Variants in POU2F1 observed in about 807,000 individuals in gnomAD.
POU2F1 encodes POU class 2 homeobox 1, also known as POU domain, class 2, transcription factor 1.
POU2F1 carries 16 observed loss-of-function variants against 84.9 expected under a neutral mutation model. The ratio of observed to expected loss-of-function variants is 0.19; its 90% confidence interval spans 0.13 to 0.29. POU2F1 has a LOEUF of 0.29. Among genes scored for constraint, POU2F1 ranks in the 10% least tolerant of loss-of-function variants. The pLI, the probability that POU2F1 is intolerant of heterozygous loss-of-function variation, is 1.00. For synonymous variants in POU2F1, 368 were observed against 368.3 expected, an observed-to-expected ratio of 1.00 and a Z score of 0.01; for missense variants, 738 against 942.6, an observed-to-expected ratio of 0.78 and a Z score of 2.84.
At chr1:167,255,317 A>G (rs1270979729) in intron 1 of POU2F1, among the ~76,000 whole-genome samples, 1 of 152,164 alleles carries the variant, frequency 6.6e-6, no homozygotes, top group Non-Finnish European at 1.5e-5. Flanking sequence ...TTGTTCTCCT[A>G]AGTGTTTTAG....
At chr1:167,330,146 C>G (rs1318027038) in intron 1 of POU2F1, among the ~76,000 whole-genome samples, 7 of 152,102 alleles carry the variant, frequency 4.6e-5, no homozygotes, top group Non-Finnish European at 1.0e-4. Flanking sequence ...TTTTTAGTTA[C>G]TCTAGTCACC....
At chr1:167,251,640 G>A (rs1270004030) in intron 1 of POU2F1, among the ~76,000 whole-genome samples, 2 of 152,010 alleles carry the variant, frequency 1.3e-5, no homozygotes, top group African/African-American at 4.8e-5. Context: ...TTCCATTAAA[G>A]GGCTCATACT....
At chr1:167,335,166 A>G (rs570305767) in intron 2 of POU2F1, among the ~76,000 whole-genome samples, 2 of 152,316 alleles carry the variant, frequency 1.3e-5, no homozygotes, top group East Asian at 3.9e-4. Flanking sequence ...TGCCCGTTCT[A>G]TGTGTAAAGT....
intron 1 of POU2F1, among the ~76,000 whole-genome samples, chr1:167,255,970 T>A (rs953754756): frequency 1.3e-5 from 2 of 152,192 alleles, no homozygotes; most frequent in Non-Finnish European, 2.9e-5. Flanking sequence ...AGGGACTCAC[T>A]CCTTTCCTAC....
chr1:167,387,358 C>T (rs928603081), intron 8 of POU2F1: 27 of 390,548 alleles, frequency 6.9e-5, no homozygotes, highest in African/African-American at 1.2e-4. Flanking sequence ...CAACCAGTTT[C>T]GCTGTGAGAA....
intron 1 of POU2F1, among the ~76,000 whole-genome samples, chr1:167,276,450 G>A (rs897127572): frequency 6.6e-6 from 1 of 151,574 alleles, no homozygotes; most frequent in African/African-American, 2.4e-5. Context: ...TTAATCATAG[G>A]TATATATATA....
rs1468020992 is a variant in POU2F1, at chr1:167,418,768, T to G, written c.*2958T>G. ...TAAGCTTTAAATGTCAATACAGTGG[T>G]CTTTTATTCCCTGCCCTGTCTATAT... On this transcript the variant is annotated 3_prime_UTR_variant, in exon 16 of 16. Transcript: ENST00000367866. 6.6e-6 allele frequency: 1 copy of G among 152,148 alleles called. No individual in the cohort carries two copies. Among genetic ancestry groups the G allele is most frequent in the African/African-American group, 2.4e-5 (1 of 41,430 alleles). The allele number at this position is 152,148 out of a possible 1,614,324, so 9.4% of individuals were successfully genotyped here. A position where few individuals can be genotyped will look rare whatever the true frequency, so the allele number is the denominator to read the frequency against.
chr1:167,398,555 G>T (rs906960416), intron 11 of POU2F1, among the ~76,000 whole-genome samples: 1 of 152,168 alleles, frequency 6.6e-6, no homozygotes, highest in African/African-American at 2.4e-5. Flanking sequence ...GTGTCTGTAT[G>T]CCTGGAATAG....
chr1:167,244,861 C>A (rs1394687361), intron 1 of POU2F1, among the ~76,000 whole-genome samples: 1 of 152,134 alleles, frequency 6.6e-6, no homozygotes, highest in Non-Finnish European at 1.5e-5. Flanking sequence ...GATCTTGGGC[C>A]TTGGAAGCCT....
chr1:167,316,347 TCAAAAA>T (rs1655897969), intron 1 of POU2F1, among the ~76,000 whole-genome samples: 2 of 152,112 alleles, frequency 1.3e-5, no homozygotes, highest in African/African-American at 2.4e-5. Context: ...AAATAAAAAG[TCAAAAA>T]CAAAAGAGAG....
At chr1:167,409,052 T>C (rs1649781490) in intron 13 of POU2F1, among the ~76,000 whole-genome samples, 2 of 152,234 alleles carry the variant, frequency 1.3e-5, no homozygotes, top group African/African-American at 4.8e-5. Context: ...TTCACTGATT[T>C]TTCTTTTCTT....
chr1:167,386,908 T>G (rs538421491), intron 8 of POU2F1, among the ~76,000 whole-genome samples: 1 of 152,164 alleles, frequency 6.6e-6, no homozygotes, highest in Non-Finnish European at 1.5e-5. Flanking sequence ...AAGGGAACTT[T>G]TGGGAGTGAT....
chr1:167,345,366 A>G (rs1383962558), intron 2 of POU2F1, among the ~76,000 whole-genome samples: 2 of 152,186 alleles, frequency 1.3e-5, no homozygotes, highest in African/African-American at 2.4e-5. Flanking sequence ...GTAGAAGGGA[A>G]TGTAAGAAAG....
intron 1 of POU2F1, among the ~76,000 whole-genome samples, chr1:167,255,386 A>G (rs1446311497): frequency 6.6e-6 from 1 of 152,228 alleles, no homozygotes; most frequent in Non-Finnish European, 1.5e-5. Context: ...ATGCAGGGCA[A>G]TGTGAACAAA....
chr1:167,371,535 G>A (rs1307701101), intron 4 of POU2F1, among the ~76,000 whole-genome samples: 1 of 152,154 alleles, frequency 6.6e-6, no homozygotes, highest in Non-Finnish European at 1.5e-5. Flanking sequence ...ATGGTATATG[G>A]AGAAGTTTCA....
chr1:167,273,290 C>T (rs1041740863), intron 1 of POU2F1, among the ~76,000 whole-genome samples: 2 of 152,142 alleles, frequency 1.3e-5, no homozygotes, highest in Non-Finnish European at 2.9e-5. Context: ...CAGAACAAGC[C>T]GTCAGTAGAT....
intron 1 of POU2F1, among the ~76,000 whole-genome samples, chr1:167,265,886 C>A (rs1373798505): frequency 3.3e-5 from 5 of 152,232 alleles, no homozygotes; most frequent in African/African-American, 9.6e-5. Context: ...GGTTGAGAAA[C>A]CCTACCTTAG....
intron 1 of POU2F1, among the ~76,000 whole-genome samples, chr1:167,330,068 T>C (rs373846653): frequency 1.3e-5 from 2 of 152,186 alleles, no homozygotes; most frequent in South Asian, 2.1e-4. Flanking sequence ...TTTTTAGATA[T>C]ATGGTGGCTA....
intron 1 of POU2F1, among the ~76,000 whole-genome samples, chr1:167,273,221 A>G (rs1025885761): frequency 6.6e-6 from 1 of 152,180 alleles, no homozygotes; most frequent in African/African-American, 2.4e-5. Context: ...TCTACAGGGT[A>G]CAGCCCCTCG....
Sources: gnomAD v4.1 joint callset for allele counts (sites outside exome capture counted in the v4.1 genomes callset) on GRCh38, gnomAD v4.1.1 for gene constraint, MANE v1.5 for transcripts, NCBI Gene and HGNC (gene_info 2026-07-23, HGNC 2026-07-21) for gene names.